CYP2C19: variants seen among roughly 807,000 people sequenced by gnomAD.
The protein encoded by CYP2C19 is cytochrome P450 2C19.
In CYP2C19, 59 loss-of-function variants were observed where a neutral mutation model predicts 40.9. The observed-to-expected ratio is 1.44, with a 90% CI of 1.17 to 1.79. The LOEUF is 1.79. Ranked by LOEUF, CYP2C19 falls within the 40% of genes most tolerant of loss-of-function variation. The probability of loss-of-function intolerance (pLI) is 0.00; values close to 1 mark genes in which losing one functional copy is unlikely to be tolerated. For synonymous variants in CYP2C19, 253 were observed against 208.7 expected (o/e 1.21, Z -1.83); for missense variants, 754 against 596.9 (o/e 1.26, Z -2.74).
intron 8 of CYP2C19, among the ~76,000 whole-genome samples, chr10:94,850,389 G>A (rs919124262): frequency 2.0e-5 from 3 of 152,166 alleles, no homozygotes; most frequent in Non-Finnish European, 4.4e-5. Flanking sequence ...CCATGAGGAA[G>A]TTATCTCACT....
chr10:94,799,300 T>C (rs995700092), intron 5 of CYP2C19, among the ~76,000 whole-genome samples: 2 of 151,836 alleles, frequency 1.3e-5, no homozygotes, highest in African/African-American at 2.4e-5. Flanking sequence ...GGGTTGAAAA[T>C]TCTTTTCTTT....
chr10:94,829,640 C>T (rs1285807015), intron 6 of CYP2C19, among the ~76,000 whole-genome samples: 2 of 151,690 alleles, frequency 1.3e-5, no homozygotes, highest in African/African-American at 4.8e-5. Flanking sequence ...CGTCTGAAGC[C>T]TTCTTCTCTC....
intron 6 of CYP2C19, among the ~76,000 whole-genome samples, chr10:94,820,952 C>G (rs1849110815): frequency 6.6e-6 from 1 of 152,084 alleles, no homozygotes; most frequent in Non-Finnish European, 1.5e-5. Context: ...GGCATTGTGG[C>G]ACACCACTGT....
chr10:94,840,116 CGCG>C, intron 6 of CYP2C19, among the ~76,000 whole-genome samples: 1 of 152,106 alleles, frequency 6.6e-6, no homozygotes, highest in South Asian at 2.1e-4. Flanking sequence ...TTGGCCCATC[CGCG>C]GGTTACTGGG....
Position 94,835,623 on chromosome 10 carries a change from G to T in CYP2C19, c.962-7214G>T, listed in dbSNP as rs184357973. 2.4e-3 allele frequency among the ~76,000 whole-genome samples: 361 copies of T among 152,110 alleles called. 1 individual carries two copies. Among genetic ancestry groups the T allele is most frequent in the Non-Finnish European group, 4.2e-3 (284 of 67,992 alleles). ...CTGATGACCCCAGCAGTGTAAGACTGCCACCTCTTTAGGTTTCTGTACAGC... is the reference window on the plus strand; with the variant it reads ...CTGATGACCCCAGCAGTGTAAGACTTCCACCTCTTTAGGTTTCTGTACAGC... On this transcript the variant is annotated intron_variant, in intron 6 of 8. Transcript: ENST00000371321.
chr10:94,798,137 A>G (rs1299798302), intron 5 of CYP2C19, among the ~76,000 whole-genome samples: 1 of 152,050 alleles, frequency 6.6e-6, no homozygotes, highest in East Asian at 1.9e-4. Flanking sequence ...TAGTGCTATA[A>G]ATTTCCGTCT....
At chr10:94,827,013 C>A (rs1230586505) in intron 6 of CYP2C19, among the ~76,000 whole-genome samples, 2 of 152,034 alleles carry the variant, frequency 1.3e-5, no homozygotes, top group Admixed American at 6.6e-5. Flanking sequence ...GGATGAAGCC[C>A]ACTCGATCAT....
At chr10:94,845,053 C>G (rs527359129) in intron 7 of CYP2C19, among the ~76,000 whole-genome samples, 24 of 152,284 alleles carry the variant, frequency 1.6e-4, no homozygotes, top group Non-Finnish European at 3.4e-4. Context: ...CTTCATGGAA[C>G]AGCCTATAGA....
chr10:94,782,553 A>T (rs1848493188), intron 5 of CYP2C19, among the ~76,000 whole-genome samples: 1 of 152,142 alleles, frequency 6.6e-6, no homozygotes, highest in South Asian at 2.1e-4. Context: ...GCAGTGTGGC[A>T]ATTCCTCAAG....
chr10:94,829,772 C>T (rs1849296806), intron 6 of CYP2C19, among the ~76,000 whole-genome samples: 1 of 151,352 alleles, frequency 6.6e-6, no homozygotes, highest in Non-Finnish European at 1.5e-5. Context: ...TGTTTTTTCC[C>T]CATCTTTGTG....
intron 5 of CYP2C19, among the ~76,000 whole-genome samples, chr10:94,808,910 T>C (rs138787780): frequency 6.6e-6 from 1 of 152,118 alleles, no homozygotes; most frequent in Non-Finnish European, 1.5e-5. Context: ...AGTGTAGATA[T>C]CTCTTCAATA....
chr10:94,771,219 C>T lies in CYP2C19; in HGVS notation c.169-3839C>T, dbSNP rs111275315. Among the ~76,000 whole-genome samples the T allele has an allele frequency of 3.2e-3, 482 of 152,090 alleles. 3 individuals carry two copies. Among genetic ancestry groups the T allele is most frequent in the African/African-American group, 0.011 (455 of 41,508 alleles). On this transcript the variant is annotated intron_variant, in intron 1 of 8. Transcript: ENST00000371321. Reference sequence around the variant, plus strand: ...CTTGAAGGGGGCATAACTGATAGCCCGGGGTTTTTTGTGGTCCTTTGGAGA... The same window carrying T: ...CTTGAAGGGGGCATAACTGATAGCCTGGGGTTTTTTGTGGTCCTTTGGAGA...
chr10:94,775,333 C>T, intron 2 of CYP2C19, 57 bp from the exon 3 acceptor site: 1 of 1,612,466 alleles, frequency 6.2e-7, no homozygotes, highest in Non-Finnish European at 8.5e-7. Flanking sequence ...TGCCCAGTGT[C>T]AGCTTCCTCT....
chr10:94,797,723 G>T (rs1320180109), intron 5 of CYP2C19, among the ~76,000 whole-genome samples: 1 of 151,990 alleles, frequency 6.6e-6, no homozygotes, highest in Non-Finnish European at 1.5e-5. Context: ...TCTTGGGAGG[G>T]TGTATTTGTT....
chr10:94,833,587 G>A (rs1186947752), intron 6 of CYP2C19, among the ~76,000 whole-genome samples: 1 of 152,106 alleles, frequency 6.6e-6, no homozygotes, highest in South Asian at 2.1e-4. Context: ...AGAAAATGTG[G>A]CACATATACA....
chr10:94,775,179 G>C lies in CYP2C19; in HGVS notation c.290G>C (p.Arg97Thr). 4 of 1,614,134 alleles carry C rather than the reference G, an allele frequency of 2.5e-6. No homozygotes were observed. The highest frequency in any genetic ancestry group is 2.5e-6 in the Non-Finnish European group (3 of 1,180,020). The change falls in exon 2 of 9, where the codon AGA (arginine) becomes ACA (threonine). Residue 97 changes from arginine (R) to threonine (T), a missense_variant. Arg to Thr is a moderately conservative substitution (Grantham distance 71). Transcript: ENST00000371321. Reference sequence around the variant, plus strand: ...GATCTTGGAGAGGAGTTTTCTGGAAGAGGCCATTTCCCACTGGCTGAAAGA... The same window carrying C: ...GATCTTGGAGAGGAGTTTTCTGGAACAGGCCATTTCCCACTGGCTGAAAGA... ...LIDLGEEFSG[R>T]GHFPLAERAN...
At chr10:94,791,141 T>C (rs578095678) in intron 5 of CYP2C19, among the ~76,000 whole-genome samples, 4 of 152,188 alleles carry the variant, frequency 2.6e-5, no homozygotes, top group Non-Finnish European at 5.9e-5. Flanking sequence ...TTAGATTTTC[T>C]AGTTTATTTG....
At chr10:94,803,613 C>A (rs992720308) in intron 5 of CYP2C19, among the ~76,000 whole-genome samples, 13 of 152,140 alleles carry the variant, frequency 8.5e-5, no homozygotes, top group Non-Finnish European at 4.4e-5. Context: ...AGCACCAGCA[C>A]TGAGAAATAA....
chr10:94,792,240 T>C (rs917396024), intron 5 of CYP2C19, among the ~76,000 whole-genome samples: 2 of 152,310 alleles, frequency 1.3e-5, no homozygotes, highest in African/African-American at 4.8e-5. Flanking sequence ...TCCCTTTATT[T>C]TGAGCCTATG....
Sources: allele counts gnomAD v4.1 joint callset (sites outside exome capture counted in the v4.1 genomes callset), GRCh38; gene constraint gnomAD v4.1.1; transcripts MANE v1.5; gene names NCBI Gene and HGNC (gene_info 2026-07-23, HGNC 2026-07-21).